CNTNAP2: variants seen among roughly 807,000 people sequenced by gnomAD.
The protein encoded by CNTNAP2 is contactin associated protein 2.
CNTNAP2 carries 98 observed loss-of-function variants against 155.2 expected under a neutral mutation model. The ratio of observed to expected loss-of-function variants is 0.63; its 90% CI spans 0.54 to 0.75. The LOEUF (loss-of-function observed/expected upper bound fraction) is 0.75. Among genes scored for constraint, CNTNAP2 ranks in the 30% least tolerant of loss-of-function variants. The pLI is 0.00. For missense variants in CNTNAP2, 1,727 were observed against 1,688.1 expected, an observed-to-expected ratio of 1.02 and a Z score of -0.40; for synonymous variants, 651 against 631.2, an observed-to-expected ratio of 1.03 and a Z score of -0.47.
chr7:147,559,315 T>G (rs1800014772), intron 11 of CNTNAP2, among the ~76,000 whole-genome samples: 1 of 152,170 alleles, frequency 6.6e-6, no homozygotes, highest in South Asian at 2.1e-4. Context: ...AGCACAACAT[T>G]CACATTGGCA....
At chr7:147,816,562 A>G (rs542501276) in intron 13 of CNTNAP2, among the ~76,000 whole-genome samples, 2 of 152,304 alleles carry the variant, frequency 1.3e-5, no homozygotes, top group South Asian at 2.1e-4. Flanking sequence ...TGGTTAGCCT[A>G]CAGTTCGGTT....
intron 15 of CNTNAP2, among the ~76,000 whole-genome samples, chr7:148,107,027 A>G (rs1345208798): frequency 6.6e-6 from 1 of 152,228 alleles, no homozygotes; most frequent in East Asian, 1.9e-4. Context: ...GGGAAATTGT[A>G]GAGCCCTAAT....
intron 2 of CNTNAP2, among the ~76,000 whole-genome samples, chr7:146,835,086 T>C (rs1803590653): frequency 6.6e-6 from 1 of 152,198 alleles, no homozygotes; most frequent in African/African-American, 2.4e-5. Flanking sequence ...GACTTATATT[T>C]CTTCTGATTT....
At chr7:146,356,444 G>A (rs1237204385) in intron 1 of CNTNAP2, among the ~76,000 whole-genome samples, 2 of 152,096 alleles carry the variant, frequency 1.3e-5, no homozygotes, top group African/African-American at 4.8e-5. Flanking sequence ...TCTTCATGTG[G>A]GGGTGTGGGA....
chr7:146,797,392 G>C (rs1585095098), intron 2 of CNTNAP2, among the ~76,000 whole-genome samples: 2 of 152,234 alleles, frequency 1.3e-5, no homozygotes, highest in East Asian at 1.9e-4. Flanking sequence ...TATCATGTGG[G>C]GCTGTCTGAT....
At chr7:146,229,399 CACCCCATG>C (rs1421236887) in intron 1 of CNTNAP2, among the ~76,000 whole-genome samples, 3 of 152,124 alleles carry the variant, frequency 2.0e-5, no homozygotes, top group South Asian at 2.1e-4. Flanking sequence ...GCTACGAGGA[CACCCCATG>C]ACCCAACTCC....
chr7:146,188,343 T>C (rs1188216983), intron 1 of CNTNAP2, among the ~76,000 whole-genome samples: 4 of 152,222 alleles, frequency 2.6e-5, no homozygotes, highest in African/African-American at 9.6e-5. Flanking sequence ...GAACTCAAAG[T>C]ATATTAAGGC....
chr7:146,395,507 A>G (rs578128557), intron 1 of CNTNAP2, among the ~76,000 whole-genome samples: 16 of 152,256 alleles, frequency 1.1e-4, no homozygotes, highest in Admixed American at 5.2e-4. Flanking sequence ...CTCCTCTCCC[A>G]GTATTCCTCA....
chr7:148,022,860 A>C (rs1802309300), intron 15 of CNTNAP2, among the ~76,000 whole-genome samples: 1 of 152,116 alleles, frequency 6.6e-6, no homozygotes, highest in South Asian at 2.1e-4. Flanking sequence ...GACCTTTCGA[A>C]GCCCGATTAT....
intron 8 of CNTNAP2, among the ~76,000 whole-genome samples, chr7:147,213,986 A>G (rs996936834): frequency 2.0e-5 from 3 of 152,114 alleles, no homozygotes; most frequent in African/African-American, 7.2e-5. Flanking sequence ...TGGTGCCCAG[A>G]CACACTGAGG....
intron 8 of CNTNAP2, among the ~76,000 whole-genome samples, chr7:147,145,861 T>C (rs925997667): frequency 1.3e-5 from 2 of 152,196 alleles, no homozygotes; most frequent in African/African-American, 2.4e-5. Context: ...AAGTATAAGA[T>C]AAGAGAGTTC....
At chr7:147,919,082 C>T (rs368742140) in intron 14 of CNTNAP2, among the ~76,000 whole-genome samples, 5 of 152,020 alleles carry the variant, frequency 3.3e-5, no homozygotes, top group African/African-American at 9.7e-5. Flanking sequence ...CAGAGAGATG[C>T]TATATTGCTG....
intron 2 of CNTNAP2, among the ~76,000 whole-genome samples, chr7:146,832,261 A>C (rs959250963): frequency 2.0e-5 from 3 of 152,062 alleles, no homozygotes; most frequent in African/African-American, 4.8e-5. Context: ...TATTATTTTC[A>C]ATGTTCAGAA....
At chr7:147,940,364 A>T (rs1257262342) in intron 14 of CNTNAP2, 1 of 151,024 alleles carries the variant, frequency 6.6e-6, no homozygotes, top group East Asian at 2.0e-4. Context: ...TTACCAATAT[A>T]GGTAGCGGTC....
chr7:148,292,126 G>A (rs769295617), intron 21 of CNTNAP2, among the ~76,000 whole-genome samples: 1 of 152,104 alleles, frequency 6.6e-6, no homozygotes, highest in Non-Finnish European at 1.5e-5. Flanking sequence ...GTTTTGTTTT[G>A]TTCTGTTTTT....
intron 13 of CNTNAP2, among the ~76,000 whole-genome samples, chr7:147,757,173 G>T (rs989498995): frequency 5.3e-5 from 8 of 152,174 alleles, no homozygotes; most frequent in Admixed American, 2.6e-4. Flanking sequence ...GACTTGTAAT[G>T]ATGGCAGCTG....
At chr7:147,321,180 T>C (rs1795344934) in intron 9 of CNTNAP2, among the ~76,000 whole-genome samples, 1 of 152,186 alleles carries the variant, frequency 6.6e-6, no homozygotes, top group African/African-American at 2.4e-5. Context: ...TCCCTCCTTT[T>C]CTTCTCTCTG....
Position 146,537,848 on chromosome 7 carries a change from G to C in CNTNAP2, c.98-236423G>C, listed in dbSNP as rs115546517. Among the ~76,000 whole-genome samples the C allele has an allele frequency of 5.1e-3, 770 of 152,114 alleles. 7 individuals are homozygous for C. The highest frequency in any genetic ancestry group is 0.018 in the African/African-American group (736 of 41,494). The stretch of plus-strand genomic sequence containing the variant: ...GGGATATTAGCAGCAGATGACACTG[G>C]GGAGAGAGCAGGCATAGAGGTAGGT... On this transcript the variant is annotated intron_variant, in intron 1 of 23. Coordinates refer to ENST00000361727, the MANE Select transcript of CNTNAP2 (RefSeq NM_014141.6).
At position 147,132,419 on chromosome 7, in the gene CNTNAP2, G is replaced by T; in HGVS notation, c.1258G>T (p.Gly420Cys). 6.2e-7 allele frequency: 1 copy of T among 1,613,604 alleles called. No homozygotes were observed. The highest frequency in any genetic ancestry group is 8.5e-7 in the Non-Finnish European group (1 of 1,179,776). ...LVFSHFADNL[G>C]NVEIDLTESK... Reference sequence around the variant, plus strand: ...CTTCAGTCACTTTGCGGATAATTTGGGCAATGTGGAGATTGACCTCACTGA... The same window carrying T: ...CTTCAGTCACTTTGCGGATAATTTGTGCAATGTGGAGATTGACCTCACTGA... Residue 420 changes from glycine to cysteine, a missense_variant, in exon 8 of 24, where the codon GGC (glycine) becomes TGC (cysteine). Coordinates refer to ENST00000361727, the MANE Select transcript of CNTNAP2 (RefSeq NM_014141.6).
Sources: allele counts gnomAD v4.1 joint callset (sites outside exome capture counted in the v4.1 genomes callset), GRCh38; gene constraint gnomAD v4.1.1; transcripts MANE v1.5; gene names NCBI Gene and HGNC (gene_info 2026-07-23, HGNC 2026-07-21).